The following BRAF variants were observed in gnomAD, a reference collection of about 807,000 sequenced individuals.
BRAF encodes the protein serine/threonine-protein kinase B-raf.
A neutral mutation model predicts 104.6 loss-of-function variants in BRAF; 16 were observed. The ratio of observed to expected loss-of-function variants is 0.15; its 90% CI spans 0.10 to 0.23. The LOEUF (loss-of-function observed/expected upper bound fraction) is 0.23. BRAF is among the 10% of genes least tolerant of loss of function. The pLI is 1.00. For synonymous variants in BRAF, 310 were observed against 341.6 expected (o/e 0.91, Z 1.02); for missense variants, 541 against 937.3 (o/e 0.58, Z 5.52).
intron 3 of BRAF, chr7:140,822,562 T>G (rs1421281594): frequency 6.6e-6 from 1 of 151,816 alleles, no homozygotes; most frequent in East Asian, 1.9e-4. Flanking sequence ...TCTGACTTCT[T>G]TCACTCAGCA....
intron 1 of BRAF, among the ~76,000 whole-genome samples, chr7:140,874,361 C>G (rs1171830245): frequency 1.3e-5 from 2 of 151,864 alleles, no homozygotes; most frequent in Admixed American, 6.6e-5. Context: ...GCCACCATGT[C>G]CAGCTAATTT....
intron 1 of BRAF, among the ~76,000 whole-genome samples, chr7:140,912,277 T>A (rs1817070807): frequency 6.6e-6 from 1 of 152,166 alleles, no homozygotes; most frequent in African/African-American, 2.4e-5. Context: ...ACCTCAAGTC[T>A]TACTTCACTG....
At chr7:140,884,171 A>G (rs894796322) in intron 1 of BRAF, 4 of 152,110 alleles carry the variant, frequency 2.6e-5, no homozygotes, top group East Asian at 1.9e-4. Flanking sequence ...GAAGCACTCC[A>G]TATTTTTAAA....
chr7:140,776,200 A>G (rs1800324991), intron 14 of BRAF, among the ~76,000 whole-genome samples: 1 of 152,254 alleles, frequency 6.6e-6, no homozygotes. Context: ...CAATTTGTAA[A>G]AAACAAAATT....
At chr7:140,849,062 T>C (rs987190768) in intron 2 of BRAF, among the ~76,000 whole-genome samples, 10 of 152,232 alleles carry the variant, frequency 6.6e-5, no homozygotes, top group African/African-American at 2.4e-4. Flanking sequence ...TGATCATTTC[T>C]AATTTAGAGT....
intron 1 of BRAF, among the ~76,000 whole-genome samples, chr7:140,888,698 G>A (rs1047391317): frequency 1.3e-5 from 2 of 152,052 alleles, no homozygotes; most frequent in African/African-American, 2.4e-5. Context: ...AGAAGGGTGC[G>A]GTGGCGGGCA....
At chr7:140,762,409 T>C (rs1044463024) in intron 14 of BRAF, among the ~76,000 whole-genome samples, 91 of 152,306 alleles carry the variant, frequency 6.0e-4, no homozygotes, top group African/African-American at 1.8e-3. Context: ...GGGACACTTA[T>C]AGCACTAAAT....
chr7:140,791,373 G>A (rs1801952318), intron 8 of BRAF, among the ~76,000 whole-genome samples: 1 of 152,010 alleles, frequency 6.6e-6, no homozygotes, highest in South Asian at 2.1e-4. Context: ...CAACTACTTT[G>A]GTATTCTTGA....
chr7:140,910,707 C>T (rs1439026724), intron 1 of BRAF, among the ~76,000 whole-genome samples: 2 of 152,206 alleles, frequency 1.3e-5, no homozygotes, highest in East Asian at 3.9e-4. Context: ...GTGACTCCTG[C>T]TCTGTCACCC....
chr7:140,913,437 T>C (rs1455717935), intron 1 of BRAF, among the ~76,000 whole-genome samples: 1 of 148,808 alleles, frequency 6.7e-6, no homozygotes, highest in Non-Finnish European at 1.5e-5. Context: ...AATGTAGTTT[T>C]GGATGAATGA....
chr7:140,774,169 C>T (rs2129016389), intron 14 of BRAF, among the ~76,000 whole-genome samples: 1 of 152,290 alleles, frequency 6.6e-6, no homozygotes, highest in African/African-American at 2.4e-5. Flanking sequence ...AAAGTATACT[C>T]TGCTGGAGGG....
At chr7:140,840,011 C>T (rs1016079866) in intron 2 of BRAF, among the ~76,000 whole-genome samples, 6 of 152,194 alleles carry the variant, frequency 3.9e-5, no homozygotes, top group Admixed American at 1.3e-4. Context: ...GATCTTCCAC[C>T]CGCTCATTTC....
At chr7:140,890,431 A>G (rs543923499) in intron 1 of BRAF, among the ~76,000 whole-genome samples, 4 of 152,308 alleles carry the variant, frequency 2.6e-5, no homozygotes, top group Non-Finnish European at 2.9e-5. Flanking sequence ...TTGAGGATAC[A>G]GTGGTGAGCA....
At chr7:140,850,340 G>A in intron 1 of BRAF, 128 bp from the exon 2 acceptor site, 1 of 672,424 alleles carries the variant, frequency 1.5e-6, no homozygotes, top group Admixed American at 2.9e-5. Flanking sequence ...AGATCATTTA[G>A]TACAGTGGTT....
intron 1 of BRAF, chr7:140,884,092 T>C (rs1485975875): frequency 6.6e-6 from 1 of 152,180 alleles, no homozygotes; most frequent in Admixed American, 6.5e-5. Context: ...CAGCAGCACA[T>C]ATACTAAAAT....
chr7:140,743,283 T>C (rs563342066), intron 17 of BRAF, among the ~76,000 whole-genome samples: 6 of 151,578 alleles, frequency 4.0e-5, no homozygotes, highest in East Asian at 1.9e-4. Flanking sequence ...CGTATGTTTA[T>C]AGCGGCACTA....
At chr7:140,854,698 C>A (rs930528450) in intron 1 of BRAF, among the ~76,000 whole-genome samples, 2 of 152,078 alleles carry the variant, frequency 1.3e-5, no homozygotes, top group East Asian at 3.9e-4. Flanking sequence ...GTAATCCCAG[C>A]ACTTTGGGAG....
chr7:140,850,139 T>G lies in BRAF; in HGVS notation c.212A>C (p.Glu71Ala). ...IEALLDKFGG[E>A]HNPPSIYLEA... Reference sequence around the variant, plus strand: ...CAGATATATTGATGGTGGATTATGCTCCCCACCAAATTTGTCCAATAGGGC... The same window carrying G: ...CAGATATATTGATGGTGGATTATGCGCCCCACCAAATTTGTCCAATAGGGC... The change falls in exon 2 of 20, where the codon GAG becomes GCG. Residue 71 changes from glutamate (E) to alanine (A), a missense_variant. Physicochemically the swap from Glu to Ala is moderately radical, Grantham distance 107. Transcript: ENST00000644969. 6.2e-7 allele frequency: 1 copy of G among 1,611,140 alleles called. No individual in the cohort carries two copies. The highest frequency in any genetic ancestry group is 1.1e-5 in the South Asian group (1 of 90,914).
At chr7:140,789,213 A>G (rs1159760587) in intron 8 of BRAF, among the ~76,000 whole-genome samples, 4 of 147,436 alleles carry the variant, frequency 2.7e-5, no homozygotes, top group Non-Finnish European at 5.9e-5. Context: ...CATCACAGAA[A>G]AAAAACAAAA....
Sources: gnomAD v4.1 joint callset for allele counts (sites outside exome capture counted in the v4.1 genomes callset) on GRCh38, gnomAD v4.1.1 for gene constraint, MANE v1.5 for transcripts, NCBI Gene and HGNC (gene_info 2026-07-23, HGNC 2026-07-21) for gene names.